The following PHF14 variants were observed in gnomAD, a reference collection of about 807,000 sequenced individuals.
PHF14 encodes the protein PHD finger protein 14.
A neutral mutation model predicts 117.9 loss-of-function variants in PHF14; 55 were observed. That is an observed-to-expected ratio of 0.47 (90% CI 0.38 to 0.58). PHF14 has a LOEUF of 0.58. PHF14 is among the 20% of genes least tolerant of loss of function. The pLI is 0.00. For missense variants in PHF14, 978 were observed against 1,122.2 expected, an observed-to-expected ratio of 0.87 and a Z score of 1.84; for synonymous variants, 409 against 368.6, an observed-to-expected ratio of 1.11 and a Z score of -1.26.
intron 16 of PHF14, among the ~76,000 whole-genome samples, chr7:11,074,273 C>T (rs1389257357): frequency 3.3e-5 from 5 of 150,748 alleles, no homozygotes; most frequent in South Asian, 2.1e-4. Flanking sequence ...TGCAGTGGCA[C>T]GATCTCAGCT....
At chr7:11,151,900 C>G (rs6955372) in intron 17 of PHF14, among the ~76,000 whole-genome samples, 1 of 152,148 alleles carries the variant, frequency 6.6e-6, no homozygotes. Flanking sequence ...TCCTCAGAAG[C>G]TGATCCTTGT....
At chr7:10,991,907 GTTTT>G (rs1048504850) in intron 4 of PHF14, among the ~76,000 whole-genome samples, 1 of 137,688 alleles carries the variant, frequency 7.3e-6, no homozygotes, top group Non-Finnish European at 1.6e-5. Flanking sequence ...CTTATTTCCA[GTTTT>G]TTTTTTTTAA....
chr7:11,078,774 A>G (rs1192756437), intron 16 of PHF14, among the ~76,000 whole-genome samples: 1 of 152,094 alleles, frequency 6.6e-6, no homozygotes, highest in Non-Finnish European at 1.5e-5. Context: ...TAACGCAGTC[A>G]CTTTTCATTT....
At chr7:11,157,558 G>A (rs1788902716) in intron 17 of PHF14, among the ~76,000 whole-genome samples, 1 of 152,072 alleles carries the variant, frequency 6.6e-6, no homozygotes, top group South Asian at 2.1e-4. Context: ...TAAATGTACT[G>A]AGATAAAATG....
intron 14 of PHF14, among the ~76,000 whole-genome samples, chr7:11,059,688 C>T (rs1011657038): frequency 1.3e-5 from 2 of 152,004 alleles, no homozygotes; most frequent in African/African-American, 2.4e-5. Flanking sequence ...GTGTGAGAAT[C>T]GCTTGAACCT....
At chr7:11,132,265 C>T (rs529297594) in intron 17 of PHF14, among the ~76,000 whole-genome samples, 12 of 151,268 alleles carry the variant, frequency 7.9e-5, no homozygotes, top group African/African-American at 2.9e-4. Flanking sequence ...TTTCTTCCCA[C>T]TGATAACCAG....
Position 10,974,826 on chromosome 7 carries a change from T to A in PHF14, c.2-9T>A, listed in dbSNP as rs774997335. On this transcript the variant is annotated splice_polypyrimidine_tract_variant and intron_variant, in intron 1 of 17. Transcript: ENST00000634607. ...TATGAATGACAATGTAATTTTTTTC[T>A]CTTCACAGTGGATCGCAGCTCCAAG... 1 of 1,448,218 alleles carries A rather than the reference T, an allele frequency of 6.9e-7. No homozygotes were observed. Among genetic ancestry groups the A allele is most frequent in the South Asian group, 1.2e-5 (1 of 80,204 alleles). The allele number at this position is 1,448,218 out of a possible 1,614,324, so 89.7% of individuals were successfully genotyped here.
Position 11,004,556 on chromosome 7 carries a change from T to G in PHF14, c.1046-9191T>G, listed in dbSNP as rs955119753. ...GTCTCCATTAATCTAGAACAATTTTTCTGCCATTTTGTGGTGTTCATGATG... is the reference window on the plus strand; with the variant it reads ...GTCTCCATTAATCTAGAACAATTTTGCTGCCATTTTGTGGTGTTCATGATG... On this transcript the variant is annotated intron_variant, in intron 4 of 17. Transcript: ENST00000634607. Among the ~76,000 whole-genome samples the G allele has an allele frequency of 2.0e-5, 3 of 152,124 alleles. No homozygotes were observed. In the East Asian group the frequency reaches 5.8e-4, roughly 29 times the overall value.
chr7:11,108,791 A>G (rs1787350731), intron 16 of PHF14: 1 of 151,794 alleles, frequency 6.6e-6, no homozygotes, highest in Non-Finnish European at 1.5e-5. Context: ...TTTCATAGCT[A>G]TATCAACAAG....
intron 3 of PHF14, among the ~76,000 whole-genome samples, chr7:10,985,517 T>G (rs1015335886): frequency 2.0e-5 from 3 of 152,070 alleles, no homozygotes; most frequent in Admixed American, 2.0e-4. Context: ...TAAGGGAACT[T>G]GATATTTATT....
At chr7:10,984,932 T>G (rs1325576807) in intron 3 of PHF14, among the ~76,000 whole-genome samples, 1 of 152,126 alleles carries the variant, frequency 6.6e-6, no homozygotes, top group Non-Finnish European at 1.5e-5. Context: ...CCAAAGTGCT[T>G]CTTCGAAAAG....
intron 17 of PHF14, among the ~76,000 whole-genome samples, chr7:11,153,472 T>C (rs1788757005): frequency 6.6e-6 from 1 of 151,950 alleles, no homozygotes; most frequent in Non-Finnish European, 1.5e-5. Flanking sequence ...TATTAAAAAG[T>C]TTATTGGAGA....
chr7:11,153,946 TGC>T (rs1403560120), intron 17 of PHF14, among the ~76,000 whole-genome samples: 5 of 130,402 alleles, frequency 3.8e-5, no homozygotes, highest in African/African-American at 1.5e-4. Context: ...TGTCTGTGTG[TGC>T]GTGTGTGTGT....
intron 5 of PHF14, among the ~76,000 whole-genome samples, chr7:11,021,651 A>G (rs1042828489): frequency 2.6e-5 from 4 of 152,164 alleles, no homozygotes; most frequent in African/African-American, 9.7e-5. Flanking sequence ...TGGAGCATGA[A>G]AAAACTGAAC....
intron 13 of PHF14, among the ~76,000 whole-genome samples, chr7:11,046,434 T>G (rs1248876508): frequency 6.6e-6 from 1 of 152,202 alleles, no homozygotes; most frequent in Admixed American, 6.5e-5. Context: ...TTTTATTCCT[T>G]GGATATGTCT....
rs569477460 is a variant in PHF14, at chr7:11,028,767, T to C, written c.1404T>C (p.His468=). Residue 468 remains histidine, a synonymous_variant, in exon 7 of 18, where the codon CAT becomes CAC. Transcript: ENST00000634607. ...CAGGGATGTGCAGAGCCTATTTCCA[T>C]GTGACCTGTGCTCAAAAGGAAGGTC... ...CDAGMCRAYF[H]VTCAQKEGLL... is the part of the protein sequence containing the mutation. 35 of 1,613,852 alleles carry C rather than the reference T, an allele frequency of 2.2e-5. No homozygotes were observed. The highest frequency in any genetic ancestry group is 1.7e-4 in the African/African-American group (13 of 75,046).
chr7:11,137,400 C>A (rs1788252350), intron 17 of PHF14, among the ~76,000 whole-genome samples: 1 of 151,938 alleles, frequency 6.6e-6, no homozygotes, highest in South Asian at 2.1e-4. Context: ...TTCTCACCAA[C>A]CAAAGGTTTA....
intron 17 of PHF14, among the ~76,000 whole-genome samples, chr7:11,152,824 A>C (rs1356532879): frequency 2.0e-5 from 3 of 152,192 alleles, no homozygotes; most frequent in Non-Finnish European, 4.4e-5. Flanking sequence ...TCACTCACTG[A>C]TACCTGCATG....
intron 17 of PHF14, among the ~76,000 whole-genome samples, chr7:11,167,670 T>C (rs1789239064): frequency 6.6e-6 from 1 of 152,214 alleles, no homozygotes; most frequent in Admixed American, 6.5e-5. Flanking sequence ...TCTAACAGTG[T>C]CTCTCCTGAA....
Sources: allele counts gnomAD v4.1 joint callset (sites outside exome capture counted in the v4.1 genomes callset), GRCh38; gene constraint gnomAD v4.1.1; transcripts MANE v1.5; gene names NCBI Gene and HGNC (gene_info 2026-07-23, HGNC 2026-07-21).